Variants in ELMOD1 observed in about 807,000 individuals in gnomAD.
ELMOD1 encodes the protein ELMO domain containing 1.
Under a neutral mutation model 46.7 loss-of-function variants are expected in ELMOD1, and 21 were observed. The observed-to-expected ratio is 0.45, with a 90% CI of 0.32 to 0.65. The LOEUF is 0.65. ELMOD1 is among the 30% of genes least tolerant of loss of function. The pLI is 0.04. For missense variants in ELMOD1, 348 were observed against 407.8 expected (o/e 0.85, Z 1.26); for synonymous variants, 122 against 138.2 (o/e 0.88, Z 0.82).
intron 11 of ELMOD1, among the ~76,000 whole-genome samples, chr11:107,657,216 A>G (rs1237208164): frequency 6.6e-6 from 1 of 152,222 alleles, no homozygotes; most frequent in African/African-American, 2.4e-5. Context: ...CTCAACAGCA[A>G]CGTTGTATTC....
chr11:107,610,539 C>G (rs141245502), intron 1 of ELMOD1, among the ~76,000 whole-genome samples: 178 of 151,802 alleles, frequency 1.2e-3, no homozygotes, highest in African/African-American at 4.2e-3. Flanking sequence ...TGGTGTATGC[C>G]TGTAATCTGA....
intron 1 of ELMOD1, among the ~76,000 whole-genome samples, chr11:107,601,113 C>T (rs1865590112): frequency 6.6e-6 from 1 of 152,102 alleles, no homozygotes; most frequent in Non-Finnish European, 1.5e-5. Flanking sequence ...TTGTCTTTCT[C>T]AGGAATACCA....
chr11:107,634,391 G>C (rs750945630), intron 5 of ELMOD1, among the ~76,000 whole-genome samples: 1 of 152,016 alleles, frequency 6.6e-6, no homozygotes, highest in Non-Finnish European at 1.5e-5. Context: ...ATGCTTTTAG[G>C]GTACTGTTAT....
chr11:107,650,322 C>T lies in ELMOD1; in HGVS notation c.555-13C>T. On this transcript the variant is annotated splice_polypyrimidine_tract_variant and intron_variant, in intron 7 of 11. Coordinates refer to ENST00000265840, the MANE Select transcript of ELMOD1 (RefSeq NM_018712.4). ...AAGTATAGAGTTACGGTTTTCTTTC[C>T]CTCCCGCTGCAGGTATTTCGCGGAA... is the stretch of plus-strand genomic sequence containing the variant. 6.4e-7 allele frequency: 1 copy of T among 1,560,918 alleles called. No individual in the cohort carries two copies. The highest frequency in any genetic ancestry group is 8.7e-7 in the Non-Finnish European group (1 of 1,149,114).
intron 1 of ELMOD1, among the ~76,000 whole-genome samples, chr11:107,606,474 A>G (rs1428855543): frequency 6.6e-6 from 1 of 152,224 alleles, no homozygotes; most frequent in African/African-American, 2.4e-5. Context: ...CCATCCACAG[A>G]CATGCATATG....
At position 107,640,516 on chromosome 11, in the gene ELMOD1, C is replaced by T. The variant is rs546451923; in HGVS notation, c.420+4751C>T. On this transcript the variant is annotated intron_variant, in intron 6 of 11. Coordinates refer to ENST00000265840, the MANE Select transcript of ELMOD1 (RefSeq NM_018712.4). ...GGCATAAACTATTTATACATACCCT[C>T]GGTATACTACGAGTCCCACATTTTT... 3.3e-5 allele frequency among the ~76,000 whole-genome samples: 5 copies of T among 152,122 alleles called. No individual in the cohort carries two copies. The South Asian group carries it at 8.3e-4, about 25-fold the overall frequency.
intron 9 of ELMOD1, among the ~76,000 whole-genome samples, chr11:107,652,675 C>T (rs1426379394): frequency 6.6e-6 from 1 of 152,146 alleles, no homozygotes; most frequent in Non-Finnish European, 1.5e-5. Context: ...GTAAAAAAAT[C>T]TCCTGATCTC....
chr11:107,645,089 ATTT>A (rs11390120), intron 6 of ELMOD1, among the ~76,000 whole-genome samples: 3 of 103,190 alleles, frequency 2.9e-5, no homozygotes, highest in African/African-American at 1.2e-4. Context: ...TGCCTGGCTA[ATTT>A]TTTTTTTTTT....
intron 1 of ELMOD1, among the ~76,000 whole-genome samples, chr11:107,603,518 G>T (rs960378083): frequency 1.3e-5 from 2 of 152,090 alleles, no homozygotes; most frequent in Admixed American, 6.6e-5. Flanking sequence ...CAGCCTGGGC[G>T]ATAGAGCGAG....
intron 10 of ELMOD1, 83 bp downstream of exon 10, chr11:107,654,305 T>G: frequency 8.4e-7 from 1 of 1,189,910 alleles, no homozygotes; most frequent in South Asian, 1.3e-5. Context: ...AAGACAAGGG[T>G]GAAACTCTAC....
intron 1 of ELMOD1, among the ~76,000 whole-genome samples, chr11:107,606,818 CA>C (rs918489706): frequency 1.4e-4 from 20 of 143,632 alleles, no homozygotes; most frequent in South Asian, 2.2e-4. Flanking sequence ...GACTCTGTCT[CA>C]AAAAAAAAAA....
At chr11:107,624,142 T>C (rs1178434545) in intron 2 of ELMOD1, among the ~76,000 whole-genome samples, 1 of 152,228 alleles carries the variant, frequency 6.6e-6, no homozygotes, top group Non-Finnish European at 1.5e-5. Flanking sequence ...TGATGGAGCA[T>C]GAATAATACC....
chr11:107,647,109 T>C (rs564982605), intron 6 of ELMOD1, among the ~76,000 whole-genome samples: 1 of 152,156 alleles, frequency 6.6e-6, no homozygotes, highest in Non-Finnish European at 1.5e-5. Flanking sequence ...ATGCATCCTT[T>C]GGAAAATTCA....
chr11:107,627,087 CTGA>C (rs1369107381), intron 2 of ELMOD1, among the ~76,000 whole-genome samples: 2 of 152,104 alleles, frequency 1.3e-5, no homozygotes, highest in Non-Finnish European at 2.9e-5. Context: ...ATAATTTGAT[CTGA>C]TGATCTGGAT....
chr11:107,634,575 A>T (rs541026456), intron 5 of ELMOD1, among the ~76,000 whole-genome samples: 2 of 152,068 alleles, frequency 1.3e-5, no homozygotes, highest in African/African-American at 4.8e-5. Flanking sequence ...CTCCATCTCT[A>T]TTAAAAAATA....
intron 1 of ELMOD1, chr11:107,600,879 C>CT (rs556618055): frequency 0.12 from 17,922 of 144,576 alleles, 1,295 homozygotes; most frequent in African/African-American, 0.21. Context: ...TCTTCTTCTT[C>CT]TTTTTTTTTT....
intron 11 of ELMOD1, among the ~76,000 whole-genome samples, chr11:107,657,629 A>T (rs550514): frequency 6.6e-6 from 1 of 152,054 alleles, no homozygotes; most frequent in Non-Finnish European, 1.5e-5. Flanking sequence ...TTACTACCTT[A>T]CCAATCAAGT....
chr11:107,611,845 G>A (rs1407801273), intron 1 of ELMOD1, among the ~76,000 whole-genome samples: 1 of 152,030 alleles, frequency 6.6e-6, no homozygotes, highest in Non-Finnish European at 1.5e-5. Flanking sequence ...AGCAAGAATG[G>A]CTATTATTAA....
intron 7 of ELMOD1, among the ~76,000 whole-genome samples, chr11:107,649,025 A>G (rs1866480526): frequency 6.6e-6 from 1 of 152,152 alleles, no homozygotes; most frequent in African/African-American, 2.4e-5. Context: ...CAATTTTCCC[A>G]TAGATCTTTC....
Sources: allele counts gnomAD v4.1 joint callset (sites outside exome capture counted in the v4.1 genomes callset), GRCh38; gene constraint gnomAD v4.1.1; transcripts MANE v1.5; gene names NCBI Gene and HGNC (gene_info 2026-07-23, HGNC 2026-07-21).